The following SAMMSON variants were observed in gnomAD, a reference collection of about 807,000 sequenced individuals.
The protein encoded by SAMMSON is survival associated mitochondrial melanoma specific oncogenic non-coding RNA.
chr3:70,279,706 G>A (rs746913277), intron 6 of SAMMSON, among the ~76,000 whole-genome samples: 4 of 152,178 alleles, frequency 2.6e-5, no homozygotes, highest in African/African-American at 4.8e-5. Flanking sequence ...ACACCCTGGG[G>A]TGTGGAATCA....
At chr3:70,043,812 A>AT (rs1281751643) in intron 3 of SAMMSON, among the ~76,000 whole-genome samples, 9 of 151,944 alleles carry the variant, frequency 5.9e-5, no homozygotes, top group Admixed American at 1.3e-4. Flanking sequence ...TTTGATGTAG[A>AT]TTTTTTTCCT....
intron 9 of SAMMSON, among the ~76,000 whole-genome samples, chr3:70,363,028 C>T (rs1299943611): frequency 6.6e-6 from 1 of 151,354 alleles, no homozygotes; most frequent in South Asian, 2.1e-4. Flanking sequence ...GAGGCATGGA[C>T]TAACAGATAG....
intron 4 of SAMMSON, among the ~76,000 whole-genome samples, chr3:70,096,826 G>T (rs114790071): frequency 6.6e-6 from 1 of 152,118 alleles, no homozygotes; most frequent in Non-Finnish European, 1.5e-5. Context: ...GAATAGCGTT[G>T]ATCAAACCCT....
At chr3:70,327,462 G>A (rs548220340) in intron 7 of SAMMSON, among the ~76,000 whole-genome samples, 7 of 152,268 alleles carry the variant, frequency 4.6e-5, no homozygotes, top group Admixed American at 2.0e-4. Context: ...CCAGAGTGGA[G>A]GAGACAGAAC....
chr3:70,000,216 C>T (rs891474271), intron 1 of SAMMSON, among the ~76,000 whole-genome samples: 2 of 152,148 alleles, frequency 1.3e-5, no homozygotes, highest in Non-Finnish European at 2.9e-5. Context: ...AACAGTCAGC[C>T]CTAGACACTG....
chr3:70,125,685 G>T (rs2067454954), intron 4 of SAMMSON: 2 of 696,854 alleles, frequency 2.9e-6, no homozygotes, highest in South Asian at 3.0e-5. Context: ...GTTGTGGTTG[G>T]TCAAATACAT....
intron 6 of SAMMSON, among the ~76,000 whole-genome samples, chr3:70,263,335 G>C (rs1222825926): frequency 6.6e-6 from 1 of 152,096 alleles, no homozygotes; most frequent in East Asian, 1.9e-4. Flanking sequence ...AGTGACAATT[G>C]TGATCAATAT....
At chr3:70,382,802 A>C (rs980713846) in intron 9 of SAMMSON, among the ~76,000 whole-genome samples, 1 of 152,104 alleles carries the variant, frequency 6.6e-6, no homozygotes, top group African/African-American at 2.4e-5. Flanking sequence ...CAATCTTAAC[A>C]TTTTTCATAA....
chr3:70,244,520 G>A (rs557979893), intron 4 of SAMMSON, among the ~76,000 whole-genome samples: 1 of 152,298 alleles, frequency 6.6e-6, no homozygotes, highest in South Asian at 2.1e-4. Context: ...AAAGCTGTGA[G>A]TAGGCTAACA....
intron 7 of SAMMSON, among the ~76,000 whole-genome samples, chr3:70,326,536 C>T (rs1368314608): frequency 6.6e-6 from 1 of 152,132 alleles, no homozygotes; most frequent in African/African-American, 2.4e-5. Flanking sequence ...TTTGACTTAA[C>T]AGCTCTGAGG....
At chr3:70,297,941 T>G (rs1702305145) in intron 7 of SAMMSON, among the ~76,000 whole-genome samples, 1 of 152,132 alleles carries the variant, frequency 6.6e-6, no homozygotes, top group Non-Finnish European at 1.5e-5. Flanking sequence ...TAGAGAGTGG[T>G]CTCTTACTCT....
chr3:70,123,538 G>A lies in SAMMSON; in HGVS notation n.507+51973G>A, dbSNP rs150763122. Among the ~76,000 whole-genome samples, 819 of 152,320 alleles carry A rather than the reference G, an allele frequency of 5.4e-3. 10 individuals carry two copies. The highest frequency in any genetic ancestry group is 0.019 in the African/African-American group (780 of 41,576). On this transcript the variant is annotated intron_variant and non_coding_transcript_variant, in intron 4 of 9. Coordinates refer to ENST00000642114, the Ensembl canonical transcript of SAMMSON. The stretch of plus-strand genomic sequence containing the variant: ...ACTTGCCTCAGCTTCCCAAAGTGCT[G>A]GGATTACAGGCATGAGCCACCATGC...
intron 3 of SAMMSON, among the ~76,000 whole-genome samples, chr3:70,021,266 T>G (rs1406113148): frequency 6.6e-6 from 1 of 152,222 alleles, no homozygotes; most frequent in Non-Finnish European, 1.5e-5. Context: ...CATTTTCAGT[T>G]AAAATATATT....
chr3:70,389,983 G>A (rs1701031043), downstream of SAMMSON: 1 of 152,066 alleles, frequency 6.6e-6, no homozygotes, highest in African/African-American at 2.4e-5. Context: ...CTGAAGGAAG[G>A]TGCTGATAAA....
At chr3:70,014,825 T>C (rs950241186) in intron 3 of SAMMSON, 1 of 152,166 alleles carries the variant, frequency 6.6e-6, no homozygotes, top group African/African-American at 2.4e-5. Flanking sequence ...TCAAGACTTG[T>C]GGTGTTAGTT....
At chr3:70,389,422 A>T (rs1224460267) in intron 9 of SAMMSON, among the ~76,000 whole-genome samples, 1 of 152,070 alleles carries the variant, frequency 6.6e-6, no homozygotes, top group Non-Finnish European at 1.5e-5. Flanking sequence ...CTAAATTATG[A>T]CTATTCTCTC....
chr3:70,242,078 A>T (rs1471420509), intron 4 of SAMMSON, among the ~76,000 whole-genome samples: 4 of 152,216 alleles, frequency 2.6e-5, no homozygotes, highest in Non-Finnish European at 5.9e-5. Context: ...TCGTAAGGGT[A>T]AGGGCCAATG....
chr3:70,176,204 G>A (rs1162663195), intron 4 of SAMMSON, among the ~76,000 whole-genome samples: 6 of 152,146 alleles, frequency 3.9e-5, no homozygotes, highest in Non-Finnish European at 7.3e-5. Flanking sequence ...CATGGAGGTA[G>A]TGCTGAGGAC....
chr3:70,069,204 G>A (rs764458749), intron 3 of SAMMSON: 5 of 152,146 alleles, frequency 3.3e-5, no homozygotes, highest in South Asian at 2.1e-4. Context: ...CAACAAAAGC[G>A]CCAAAGTATA....
Sources: gnomAD v4.1 joint callset for allele counts (sites outside exome capture counted in the v4.1 genomes callset) on GRCh38, gnomAD v4.1.1 for gene constraint, MANE v1.5 for transcripts, NCBI Gene and HGNC (gene_info 2026-07-23, HGNC 2026-07-21) for gene names.